LIPC: variants seen among roughly 807,000 people sequenced by gnomAD.
LIPC encodes lipase C, hepatic type, also known as hepatic triacylglycerol lipase.
A neutral mutation model predicts 50.7 loss-of-function variants in LIPC; 44 were observed. The observed-to-expected ratio is 0.87, with a 90% CI of 0.68 to 1.11. The LOEUF is 1.11. Among genes scored for constraint, LIPC ranks in the 50% most tolerant of loss-of-function variants. The probability of loss-of-function intolerance (pLI) is 0.00; values close to 1 mark genes in which losing one functional copy is unlikely to be tolerated. For missense variants in LIPC, 697 were observed against 648.2 expected, an observed-to-expected ratio of 1.08 and a Z score of -0.82; for synonymous variants, 271 against 256.4, an observed-to-expected ratio of 1.06 and a Z score of -0.54.
intron 1 of LIPC, among the ~76,000 whole-genome samples, chr15:58,501,430 T>C (rs1292037500): frequency 1.3e-5 from 2 of 152,030 alleles, no homozygotes; most frequent in African/African-American, 2.4e-5. Flanking sequence ...ATTTTTTTGT[T>C]GATGACAGAT....
chr15:58,529,107 A>G (rs1892873806), intron 1 of LIPC, among the ~76,000 whole-genome samples: 1 of 152,146 alleles, frequency 6.6e-6, no homozygotes. Context: ...GGAATGAAGG[A>G]TAAGGTCAAA....
intron 1 of LIPC, among the ~76,000 whole-genome samples, chr15:58,449,570 T>A (rs1345018188): frequency 6.6e-6 from 1 of 151,752 alleles, no homozygotes; most frequent in Admixed American, 6.6e-5. Context: ...TTTTTTTTTT[T>A]AAGACAGAGT....
intron 5 of LIPC, among the ~76,000 whole-genome samples, chr15:58,547,361 T>A (rs1893569354): frequency 6.6e-6 from 1 of 152,146 alleles, no homozygotes; most frequent in African/African-American, 2.4e-5. Flanking sequence ...AACAGCGGCC[T>A]CAAGGAGCTG....
At chr15:58,483,254 C>T (rs1467581075) in intron 1 of LIPC, among the ~76,000 whole-genome samples, 10 of 152,116 alleles carry the variant, frequency 6.6e-5, no homozygotes, top group African/African-American at 2.2e-4. Flanking sequence ...TGTCAAACAC[C>T]AGGTTACTAA....
intron 1 of LIPC, among the ~76,000 whole-genome samples, chr15:58,513,576 A>G (rs1298083669): frequency 3.3e-5 from 5 of 152,214 alleles, no homozygotes; most frequent in African/African-American, 1.2e-4. Context: ...AAATATTCAG[A>G]ATCAAAGGTG....
At chr15:58,558,943 C>T (rs376242513) in intron 6 of LIPC, among the ~76,000 whole-genome samples, 2 of 152,196 alleles carry the variant, frequency 1.3e-5, no homozygotes, top group East Asian at 1.9e-4. Context: ...TATCCCCACT[C>T]ACATGAGCAA....
At chr15:58,434,411 A>G (rs572580193) in intron 1 of LIPC, among the ~76,000 whole-genome samples, 1 of 152,270 alleles carries the variant, frequency 6.6e-6, no homozygotes, top group South Asian at 2.1e-4. Flanking sequence ...CTCCACGGAC[A>G]TTTTATCTCA....
At chr15:58,436,774 G>A (rs1306808486) in intron 1 of LIPC, 3 of 456,270 alleles carry the variant, frequency 6.6e-6, no homozygotes, top group Non-Finnish European at 1.3e-5. Flanking sequence ...GCTTCTTGGA[G>A]GAGGCGGCAT....
At chr15:58,495,570 A>T (rs1891736812) in intron 1 of LIPC, among the ~76,000 whole-genome samples, 1 of 152,196 alleles carries the variant, frequency 6.6e-6, no homozygotes, top group Non-Finnish European at 1.5e-5. Context: ...CCTCATTAAA[A>T]CTTCACAGCA....
At chr15:58,494,233 C>G (rs1264408526) in intron 1 of LIPC, among the ~76,000 whole-genome samples, 2 of 152,224 alleles carry the variant, frequency 1.3e-5, no homozygotes, top group African/African-American at 4.8e-5. Context: ...ACAATCTAAT[C>G]CCAGCAGTGA....
chr15:58,457,141 C>T (rs552694581), intron 1 of LIPC, among the ~76,000 whole-genome samples: 3 of 152,296 alleles, frequency 2.0e-5, no homozygotes, highest in East Asian at 3.9e-4. Context: ...CGGAGTTTCA[C>T]TCTTGTTGCC....
chr15:58,524,294 A>G (rs571652272), intron 1 of LIPC, among the ~76,000 whole-genome samples: 2 of 152,388 alleles, frequency 1.3e-5, no homozygotes, highest in East Asian at 3.9e-4. Context: ...GTCAAGCTGC[A>G]AAGTATTCCA....
intron 1 of LIPC, among the ~76,000 whole-genome samples, chr15:58,531,460 T>C (rs1449494833): frequency 6.6e-6 from 1 of 152,082 alleles, no homozygotes; most frequent in African/African-American, 2.4e-5. Flanking sequence ...AAAAAATCAT[T>C]CTGATTCTAG....
chr15:58,540,266 T>A (rs1893275843), intron 2 of LIPC, among the ~76,000 whole-genome samples: 1 of 152,214 alleles, frequency 6.6e-6, no homozygotes, highest in Non-Finnish European at 1.5e-5. Context: ...CTAGTATATG[T>A]CTCCTCCTCC....
intron 1 of LIPC, among the ~76,000 whole-genome samples, chr15:58,482,811 G>T (rs760516856): frequency 2.0e-5 from 3 of 152,190 alleles, no homozygotes; most frequent in Non-Finnish European, 4.4e-5. Flanking sequence ...CCTGGGTTTG[G>T]GGGCTTTTGA....
chr15:58,552,338 C>T (rs1202156969), intron 6 of LIPC, among the ~76,000 whole-genome samples: 2 of 152,314 alleles, frequency 1.3e-5, no homozygotes, highest in Admixed American at 1.3e-4. Context: ...GAGCAGGAAG[C>T]ATCGCATTGA....
chr15:58,548,253 G>A, intron 5 of LIPC, 77 bp from the exon 6 acceptor site: 1 of 1,607,750 alleles, frequency 6.2e-7, no homozygotes, highest in Non-Finnish European at 8.5e-7. Flanking sequence ...CCTGTGGGAT[G>A]AGAACCAAGG....
chr15:58,491,878 C>T (rs4561401), intron 1 of LIPC, among the ~76,000 whole-genome samples: 2,624 of 152,262 alleles, frequency 0.017, 77 homozygotes, highest in African/African-American at 0.06. Context: ...CACGTGATTC[C>T]TATTGGTCCT....
chr15:58,449,360 C>T (rs1322687993), intron 1 of LIPC, among the ~76,000 whole-genome samples: 1 of 152,170 alleles, frequency 6.6e-6, no homozygotes, highest in African/African-American at 2.4e-5. Context: ...CATTTGATGG[C>T]TTGGAATTAA....
Sources: allele counts gnomAD v4.1 joint callset (sites outside exome capture counted in the v4.1 genomes callset), GRCh38; gene constraint gnomAD v4.1.1; transcripts MANE v1.5; gene names NCBI Gene and HGNC (gene_info 2026-07-23, HGNC 2026-07-21).